Variants in ARHGAP32 observed in about 807,000 individuals in gnomAD.
ARHGAP32 encodes rho GTPase-activating protein 32.
In ARHGAP32, 51 loss-of-function variants were observed where a neutral mutation model predicts 186.5. The ratio of observed to expected loss-of-function variants is 0.27; its 90% confidence interval spans 0.22 to 0.35. ARHGAP32 has a LOEUF of 0.35. Among genes scored for constraint, ARHGAP32 ranks in the 10% least tolerant of loss-of-function variants. The pLI is 1.00. For synonymous variants in ARHGAP32, 950 were observed against 964.3 expected, an observed-to-expected ratio of 0.99 and a Z score of 0.27; for missense variants, 2,186 against 2,623.5, an observed-to-expected ratio of 0.83 and a Z score of 3.64.
intron 12 of ARHGAP32, among the ~76,000 whole-genome samples, chr11:128,995,299 T>C (rs1254970465): frequency 6.6e-6 from 1 of 152,170 alleles, no homozygotes; most frequent in Non-Finnish European, 1.5e-5. Flanking sequence ...CTCCAACTCC[T>C]GGGGTCCAGC....
chr11:129,107,398 G>GA (rs762364898), intron 5 of ARHGAP32, among the ~76,000 whole-genome samples: 11 of 152,130 alleles, frequency 7.2e-5, no homozygotes, highest in Non-Finnish European at 1.5e-4. Context: ...TCCAGTTAAG[G>GA]TTAATACATG....
chr11:129,129,130 G>A (rs1942739658), intron 2 of ARHGAP32, among the ~76,000 whole-genome samples: 1 of 151,870 alleles, frequency 6.6e-6, no homozygotes, highest in Non-Finnish European at 1.5e-5. Context: ...CCCCGTCTGG[G>A]AACTGAGGAG....
At chr11:129,159,793 C>T (rs1943491269) in intron 2 of ARHGAP32, among the ~76,000 whole-genome samples, 1 of 152,252 alleles carries the variant, frequency 6.6e-6, no homozygotes, top group South Asian at 2.1e-4. Flanking sequence ...GGCCAATATC[C>T]CTGATGAACA....
Position 129,189,172 on chromosome 11 carries a change from G to C in ARHGAP32, c.116+2911C>G, listed in dbSNP as rs1944224867. 2.6e-5 allele frequency among the ~76,000 whole-genome samples: 4 copies of C among 152,046 alleles called. No individual in the cohort carries two copies. In the South Asian group the frequency reaches 8.3e-4, roughly 32 times the overall value. On this transcript the variant is annotated intron_variant, in intron 1 of 22. Coordinates refer to ENST00000682385, the MANE Select transcript of ARHGAP32 (RefSeq NM_001378024.1). The stretch of plus-strand genomic sequence containing the variant: ...GTAGCCTCTTATAAGTTATCACTTA[G>C]CAGAAAATAGCATTTAGCAGAAGAT...
rs538526310 is a variant in ARHGAP32 at position 129,178,637 on chromosome 11, C to T, written c.116+13446G>A. On this transcript the variant is annotated intron_variant, in intron 1 of 22. Transcript: ENST00000682385. ...AGAACAGAGCCCTCAGAAATAATGC[C>T]GCATATCTACAACTATCTGATCTTT... Among the ~76,000 whole-genome samples, 135 of 151,982 alleles carry T rather than the reference C, an allele frequency of 8.9e-4. 1 individual carries two copies. In the East Asian group the frequency reaches 0.017, roughly 19 times the overall value.
At chr11:128,991,047 T>G (rs1946032088) in intron 12 of ARHGAP32, among the ~76,000 whole-genome samples, 1 of 151,400 alleles carries the variant, frequency 6.6e-6, no homozygotes, top group South Asian at 2.1e-4. Context: ...AAATTTTTCA[T>G]AAAAATAAGC....
chr11:128,988,029 C>T lies in ARHGAP32; in HGVS notation c.1292G>A (p.Arg431Lys). The T allele has an allele frequency of 6.2e-7, 1 of 1,610,392 alleles. No homozygotes were observed. ...GTGCCATATAAGATTTTACCGTAGT[C>T]TCTGGATATTGGAGGCAACACCAGA... ...RLSGVASNIQRLRHEFDSEHV... is the reference protein window; with the variant it reads ...RLSGVASNIQKLRHEFDSEHV... Residue 431 changes from arginine (R) to lysine (K), a missense_variant, in exon 13 of 23, where the codon AGA becomes AAA. Arg to Lys is a conservative substitution (Grantham distance 26, BLOSUM62 2). This residue lies in a region of ARHGAP32 where 308 missense variants were observed against 596.5 expected (regional missense o/e 0.52). Transcript: ENST00000682385.
rs1368957983 is a variant in ARHGAP32 at position 129,085,866 on chromosome 11, C to T, written c.531+7755G>A. Among the ~76,000 whole-genome samples, 6 of 151,776 alleles carry T rather than the reference C, an allele frequency of 4.0e-5. No homozygotes were observed. The South Asian group carries it at 6.3e-4, about 16-fold the overall frequency. On this transcript the variant is annotated intron_variant, in intron 6 of 22. Coordinates refer to ENST00000682385, the MANE Select transcript of ARHGAP32 (RefSeq NM_001378024.1). ...AAAATTAGCCAGGCGTGGTGGCGGG[C>T]GCCTGTAGTCCCAGCTACTCGGGAG... is the stretch of plus-strand genomic sequence containing the variant.
intron 6 of ARHGAP32, among the ~76,000 whole-genome samples, chr11:129,075,570 AC>A (rs34274691): frequency 6.6e-6 from 1 of 152,022 alleles, no homozygotes; most frequent in African/African-American, 2.4e-5. Flanking sequence ...ATTATTTAAC[AC>A]CCCCCTATTA....
intron 1 of ARHGAP32, among the ~76,000 whole-genome samples, chr11:129,168,296 A>C (rs1943679826): frequency 6.6e-6 from 1 of 152,156 alleles, no homozygotes; most frequent in Non-Finnish European, 1.5e-5. Context: ...AAATATAACA[A>C]CACCAAAAGG....
intron 5 of ARHGAP32, among the ~76,000 whole-genome samples, chr11:129,121,861 G>T (rs572747167): frequency 6.6e-6 from 1 of 151,988 alleles, no homozygotes; most frequent in Non-Finnish European, 1.5e-5. Context: ...CTAATAACCA[G>T]CATTTAACAA....
intron 10 of ARHGAP32, among the ~76,000 whole-genome samples, chr11:129,060,382 T>TAGATAGATA (rs756196427): frequency 1.4e-4 from 20 of 143,886 alleles, no homozygotes; most frequent in African/African-American, 3.2e-4. Context: ...GATAGATAGA[T>TAGATAGATA]AAGATAGACA....
chr11:129,090,178 T>C (rs1941533394), intron 6 of ARHGAP32, among the ~76,000 whole-genome samples: 1 of 152,218 alleles, frequency 6.6e-6, no homozygotes, highest in Non-Finnish European at 1.5e-5. Flanking sequence ...GTTCTATAAA[T>C]GTTAATATTT....
chr11:129,227,687 TA>T (rs978324930), intron 1 of ARHGAP32, among the ~76,000 whole-genome samples: 6 of 152,098 alleles, frequency 3.9e-5, no homozygotes, highest in African/African-American at 1.2e-4. Context: ...AGGGATACTT[TA>T]GAATGATAGA....
intron 1 of ARHGAP32, among the ~76,000 whole-genome samples, chr11:129,215,288 T>C (rs1387310151): frequency 6.6e-6 from 1 of 152,156 alleles, no homozygotes; most frequent in Non-Finnish European, 1.5e-5. Context: ...CCTTTCCTCA[T>C]AAGGTAATTG....
intron 15 of ARHGAP32, among the ~76,000 whole-genome samples, chr11:128,984,348 CT>C (rs1860753641): frequency 6.6e-6 from 1 of 151,618 alleles, no homozygotes; most frequent in African/African-American, 2.4e-5. Context: ...GCACTCCAGC[CT>C]GGGTAACAGA....
At chr11:129,126,610 C>T (rs1041271672) in intron 2 of ARHGAP32, among the ~76,000 whole-genome samples, 4 of 151,890 alleles carry the variant, frequency 2.6e-5, no homozygotes, top group African/African-American at 9.7e-5. Context: ...AAGGTGGGTA[C>T]AAAGAGACAA....
chr11:129,003,586 G>A (rs1194337865), intron 11 of ARHGAP32, among the ~76,000 whole-genome samples: 1 of 152,030 alleles, frequency 6.6e-6, no homozygotes, highest in Non-Finnish European at 1.5e-5. Context: ...TTCAGGTTTT[G>A]GATTTCTTCA....
chr11:129,258,278 T>C (rs911265010), intron 1 of ARHGAP32, among the ~76,000 whole-genome samples: 4 of 152,130 alleles, frequency 2.6e-5, no homozygotes, highest in African/African-American at 9.7e-5. Context: ...GAGTAAAAGA[T>C]ACATTGATCA....
Sources: allele counts gnomAD v4.1 joint callset (sites outside exome capture counted in the v4.1 genomes callset), GRCh38; gene constraint gnomAD v4.1.1; regional missense constraint gnomAD v4.1.1; transcripts MANE v1.5; gene names NCBI Gene and HGNC (gene_info 2026-07-23, HGNC 2026-07-21).